The following SPTLC3 variants were observed in gnomAD, a reference collection of about 807,000 sequenced individuals.
SPTLC3 encodes the protein serine palmitoyltransferase 3.
SPTLC3 carries 36 observed loss-of-function variants against 59.3 expected under a neutral mutation model. That is an observed-to-expected ratio of 0.61 (90% CI 0.47 to 0.80). The LOEUF is 0.80. Ranked by LOEUF, SPTLC3 falls within the 30% of genes least tolerant of loss-of-function variation. The probability of loss-of-function intolerance (pLI) is 0.00; values close to 1 mark genes in which losing one functional copy is unlikely to be tolerated. For synonymous variants in SPTLC3, 257 were observed against 240.8 expected (o/e 1.07, Z -0.62); for missense variants, 625 against 685.1 (o/e 0.91, Z 0.98).
intron 6 of SPTLC3, among the ~76,000 whole-genome samples, chr20:13,108,871 T>A (rs942127532): frequency 6.6e-6 from 1 of 152,224 alleles, no homozygotes; most frequent in African/African-American, 2.4e-5. Flanking sequence ...CTGGTGAACA[T>A]TGCATAACAG....
chr20:13,023,361 C>G (rs1985988405), intron 1 of SPTLC3, among the ~76,000 whole-genome samples: 1 of 152,086 alleles, frequency 6.6e-6, no homozygotes, highest in Non-Finnish European at 1.5e-5. Flanking sequence ...TGTTGCCTGT[C>G]TCCACATTTA....
intron 9 of SPTLC3, among the ~76,000 whole-genome samples, chr20:13,128,871 ATT>A (rs35981991): frequency 0.21 from 24,359 of 114,162 alleles, 2,634 homozygotes; most frequent in South Asian, 0.43. Context: ...TGCCCAGCTA[ATT>A]TTTTTTTTTT....
At chr20:13,161,602 C>T (rs1034662373) in intron 11 of SPTLC3, among the ~76,000 whole-genome samples, 4 of 152,034 alleles carry the variant, frequency 2.6e-5, no homozygotes, top group African/African-American at 4.8e-5. Context: ...AAACTCCATA[C>T]AGAGGAGAAA....
chr20:13,153,816 T>C (rs6033626), intron 9 of SPTLC3, among the ~76,000 whole-genome samples, 187 bp from the exon 10 acceptor site: 8,609 of 152,186 alleles, frequency 0.057, 284 homozygotes, highest in African/African-American at 0.087. Context: ...GCCTTCCAGG[T>C]GCAAGGTAGT....
intron 6 of SPTLC3, among the ~76,000 whole-genome samples, chr20:13,105,857 T>G (rs924010440): frequency 2.8e-4 from 43 of 152,154 alleles, no homozygotes; most frequent in African/African-American, 1.0e-3. Flanking sequence ...TATAAAATAT[T>G]ATAGACATAA....
At chr20:13,055,107 T>C (rs963032585) in intron 2 of SPTLC3, among the ~76,000 whole-genome samples, 1 of 151,652 alleles carries the variant, frequency 6.6e-6, no homozygotes, top group Admixed American at 6.6e-5. Flanking sequence ...GAAGATAAGA[T>C]AGAAGGAGGA....
chr20:13,136,281 T>C (rs1384611040), intron 9 of SPTLC3, among the ~76,000 whole-genome samples: 3 of 152,022 alleles, frequency 2.0e-5, no homozygotes, highest in Non-Finnish European at 4.4e-5. Flanking sequence ...TGGAAAACAA[T>C]AGCTATTTAA....
chr20:13,031,205 G>T (rs972619703), intron 1 of SPTLC3, among the ~76,000 whole-genome samples: 1 of 152,164 alleles, frequency 6.6e-6, no homozygotes, highest in African/African-American at 2.4e-5. Context: ...TGATGGAAAT[G>T]CTCTATAAAT....
At chr20:13,089,269 T>C (rs1284224617) in intron 4 of SPTLC3, among the ~76,000 whole-genome samples, 1 of 152,190 alleles carries the variant, frequency 6.6e-6, no homozygotes, top group African/African-American at 2.4e-5. Context: ...TCCTACGTTC[T>C]GTGTGTGCAA....
intron 2 of SPTLC3, among the ~76,000 whole-genome samples, chr20:13,059,183 T>C (rs1246505694): frequency 6.6e-6 from 1 of 152,214 alleles, no homozygotes; most frequent in East Asian, 1.9e-4. Flanking sequence ...TTCAAAAAAC[T>C]ACATGACTGC....
At chr20:13,094,622 G>A (rs534387626) in intron 6 of SPTLC3, among the ~76,000 whole-genome samples, 15 of 152,208 alleles carry the variant, frequency 9.9e-5, no homozygotes, top group Non-Finnish European at 2.1e-4. Context: ...TGCCCACCTC[G>A]CAGCAATCTT....
Position 13,117,544 on chromosome 20 carries a change from C to A in SPTLC3, c.971C>A (p.Ala324Asp). 2.5e-6 allele frequency: 4 copies of A among 1,610,058 alleles called. No homozygotes were observed. The highest frequency in any genetic ancestry group is 1.7e-5 in the Admixed American group (1 of 59,346). ...ATCGTGCATCTGCCCCAGATCATAG[C>A]TCTAAAGAAGAAATACAAGGCTTAC... ...GSIVHLPQIIALKKKYKAYLY... is the reference protein window; with the variant it reads ...GSIVHLPQIIDLKKKYKAYLY... Residue 324 changes from alanine (A) to aspartate (D), a missense_variant, in exon 8 of 12, where the codon GCT (alanine) becomes GAT (aspartate). By Grantham distance (126) the Ala-to-Asp change is moderately radical. Transcript: ENST00000399002.
intron 6 of SPTLC3, among the ~76,000 whole-genome samples, chr20:13,096,475 C>G (rs1439964241): frequency 6.6e-6 from 1 of 150,604 alleles, no homozygotes; most frequent in Non-Finnish European, 1.5e-5. Context: ...TACTGCTACA[C>G]ATAACATGGC....
chr20:13,027,636 A>AGCGC (rs1297429331), intron 1 of SPTLC3, among the ~76,000 whole-genome samples: 3 of 72,964 alleles, frequency 4.1e-5, no homozygotes, highest in African/African-American at 1.4e-4. Flanking sequence ...AATCTATTTC[A>AGCGC]GCACGCACAC....
intron 11 of SPTLC3, among the ~76,000 whole-genome samples, chr20:13,164,197 G>A (rs949508342): frequency 9.9e-5 from 15 of 152,152 alleles, no homozygotes; most frequent in African/African-American, 3.6e-4. Context: ...CCTAAAGTAA[G>A]AGAGTTGAAA....
At chr20:13,118,948 T>C (rs1990746988) in intron 8 of SPTLC3, among the ~76,000 whole-genome samples, 1 of 152,250 alleles carries the variant, frequency 6.6e-6, no homozygotes, top group African/African-American at 2.4e-5. Flanking sequence ...CTGCTTTCTT[T>C]CGGGCTCAAA....
At chr20:13,013,048 A>T (rs1985336938) in intron 1 of SPTLC3, among the ~76,000 whole-genome samples, 1 of 152,228 alleles carries the variant, frequency 6.6e-6, no homozygotes, top group Admixed American at 6.5e-5. Context: ...ACAATAGGTC[A>T]TGTGACTTTT....
At chr20:13,150,928 C>T (rs551623968) in intron 9 of SPTLC3, among the ~76,000 whole-genome samples, 60 of 152,250 alleles carry the variant, frequency 3.9e-4, no homozygotes, top group Non-Finnish European at 6.3e-4. Context: ...CAGATTTGGT[C>T]CAGTCTCCCT....
In SPTLC3 at chr20:13,160,102, A is replaced by G; in HGVS notation, c.1515A>G (p.Ser505=). ...AAGCTCGGGCTCGGTTTTGTGTTTC[A>G]GCGGCACATACCCGGGAGATGTTAG... ...LAEARARFCV[S]AAHTREMLDT... is the part of the protein sequence containing the mutation. The change falls in exon 11 of 12, where the codon TCA becomes TCG. Residue 505 remains serine (S), a synonymous_variant. Transcript: ENST00000399002. The G allele has an allele frequency of 6.2e-7, 1 of 1,613,876 alleles. No homozygotes were observed. The highest frequency in any genetic ancestry group is 8.5e-7 in the Non-Finnish European group (1 of 1,179,924).
Sources: gnomAD v4.1 joint callset for allele counts (sites outside exome capture counted in the v4.1 genomes callset) on GRCh38, gnomAD v4.1.1 for gene constraint, MANE v1.5 for transcripts, NCBI Gene and HGNC (gene_info 2026-07-23, HGNC 2026-07-21) for gene names.